C22orf31: variants seen among roughly 807,000 people sequenced by gnomAD.
C22orf31 encodes chromosome 22 open reading frame 31.
C22orf31 carries 11 observed loss-of-function variants against 15.0 expected under a neutral mutation model. The observed-to-expected ratio is 0.73, with a 90% CI of 0.46 to 1.21. C22orf31 has a LOEUF of 1.21. Among genes scored for constraint, C22orf31 ranks in the 50% most tolerant of loss-of-function variants. The pLI is 0.00. For missense variants in C22orf31, 340 were observed against 347.2 expected, an observed-to-expected ratio of 0.98 and a Z score of 0.17; for synonymous variants, 132 against 133.3, an observed-to-expected ratio of 0.99 and a Z score of 0.07.
At chr22:29,061,158 G>A (rs1569304606) in intron 1 of C22orf31, among the ~76,000 whole-genome samples, 1 of 152,260 alleles carries the variant, frequency 6.6e-6, no homozygotes, top group South Asian at 2.1e-4. Flanking sequence ...AGATACGGAC[G>A]GCAGGGTCAC....
At position 29,061,306 on chromosome 22, in the gene C22orf31, G is replaced by A. The variant is rs1485227341; in HGVS notation, c.4-463C>T. Among the ~76,000 whole-genome samples the A allele has an allele frequency of 3.9e-5, 6 of 152,176 alleles. No individual in the cohort carries two copies. In the East Asian group the frequency reaches 9.6e-4, roughly 24 times the overall value. On this transcript the variant is annotated intron_variant, in intron 1 of 2. Coordinates refer to ENST00000216071, the MANE Select transcript of C22orf31 (RefSeq NM_015370.2). ...GGGGGGACGGAGTTTAGCTCTTGTT[G>A]CCCAGGCTGGAGTGCAATGGCGTGA... is the stretch of plus-strand genomic sequence containing the variant.
At chr22:29,072,102 T>G in the C22orf31 span, among the ~76,000 whole-genome samples, 2 of 152,136 alleles carry the variant, frequency 1.3e-5, no homozygotes, top group African/African-American at 4.8e-5. Flanking sequence ...ACTCCTACTC[T>G]GCGTGCGTAA....
chr22:29,062,048 T>C (rs1395203313), upstream of C22orf31, among the ~76,000 whole-genome samples: 4 of 152,158 alleles, frequency 2.6e-5, no homozygotes, highest in Admixed American at 2.6e-4. Flanking sequence ...GGGTGGGTGT[T>C]ACATCATCAG....
chr22:29,073,424 C>T, the C22orf31 span, among the ~76,000 whole-genome samples: 2 of 152,078 alleles, frequency 1.3e-5, no homozygotes, highest in Admixed American at 6.5e-5. The surrounding 1 kb of genome is among the most constrained non-coding windows in gnomAD (Gnocchi z 4.4). Context: ...GTCATCGACG[C>T]CCCCGGGCCC....
chr22:29,073,494 G>A, the C22orf31 span, among the ~76,000 whole-genome samples: 3 of 151,946 alleles, frequency 2.0e-5, no homozygotes, highest in East Asian at 3.9e-4. This position sits in a 1 kb window ranked among gnomAD's most constrained non-coding sequence, Gnocchi z 4.4. Flanking sequence ...AGCCCAGGAG[G>A]CCCTCTCCGC....
In C22orf31 at chr22:29,058,782, G is replaced by A; in HGVS notation, c.833C>T (p.Pro278Leu). 1 of 1,613,930 alleles carries A rather than the reference G, an allele frequency of 6.2e-7. No homozygotes were observed. The highest frequency in any genetic ancestry group is 8.5e-7 in the Non-Finnish European group (1 of 1,179,952). The change falls in exon 3 of 3, where the codon CCT becomes CTT. Residue 278 changes from proline (P) to leucine (L), a missense_variant. By Grantham distance (98) the Pro-to-Leu change is moderately conservative. Coordinates refer to ENST00000216071, the MANE Select transcript of C22orf31 (RefSeq NM_015370.2). Reference sequence around the variant, plus strand: ...TAACTTGGGCCATTTCTTGAGTACAGGCTCCTCGTGGACACCTGGCTGCTT... The same window carrying A: ...TAACTTGGGCCATTTCTTGAGTACAAGCTCCTCGTGGACACCTGGCTGCTT... ...GRKQPGVHEEPVLKKWPKLKS... is the reference protein window; with the variant it reads ...GRKQPGVHEELVLKKWPKLKS...
chr22:29,065,061 G>A (rs1302905837), upstream of C22orf31, among the ~76,000 whole-genome samples: 2 of 151,828 alleles, frequency 1.3e-5, no homozygotes, highest in Non-Finnish European at 2.9e-5. Context: ...CACCATGTTG[G>A]CCAGGCTGGT....
intron 2 of C22orf31, 36 bp downstream of exon 2, chr22:29,060,379 C>G (rs536900659): frequency 1.9e-6 from 3 of 1,564,620 alleles, no homozygotes; most frequent in African/African-American, 1.4e-5. Context: ...CCTCCCCTCG[C>G]CAGTCACATT....
At chr22:29,061,939 G>A (rs2037396362), upstream of C22orf31, 1 of 622,550 alleles carries the variant, frequency 1.6e-6, no homozygotes, top group Non-Finnish European at 2.8e-6. Context: ...AGTCACATAT[G>A]GGCAAATTGC....
the C22orf31 span, among the ~76,000 whole-genome samples, chr22:29,072,785 T>C: frequency 6.6e-6 from 1 of 152,000 alleles, no homozygotes; most frequent in Non-Finnish European, 1.5e-5. Context: ...GCCCCTCACC[T>C]GCTGATCCTA....
At chr22:29,059,731 C>T (rs778023624) in intron 2 of C22orf31, 1 of 985,372 alleles carries the variant, frequency 1.0e-6, no homozygotes, top group Non-Finnish European at 1.2e-6. Flanking sequence ...TGTGGACGCT[C>T]ACAATCCAGA....
intron 2 of C22orf31, chr22:29,059,580 TA>T: frequency 2.0e-6 from 1 of 495,638 alleles, no homozygotes; most frequent in Non-Finnish European, 2.6e-6. Flanking sequence ...TTTAATATGA[TA>T]ATATCAAGGC....
the C22orf31 span, among the ~76,000 whole-genome samples, chr22:29,071,084 TG>T: frequency 6.7e-6 from 1 of 149,790 alleles, no homozygotes; most frequent in Non-Finnish European, 1.5e-5. Context: ...TCAGGTCCGG[TG>T]GAGAAGGTGG....
chr22:29,070,397 C>T, the C22orf31 span, among the ~76,000 whole-genome samples: 1 of 152,220 alleles, frequency 6.6e-6, no homozygotes, highest in East Asian at 1.9e-4. Context: ...GGGGTGCCTT[C>T]CCGCAGCAGG....
upstream of C22orf31, among the ~76,000 whole-genome samples, chr22:29,062,124 GA>G (rs973996042): frequency 7.9e-5 from 12 of 152,296 alleles, no homozygotes; most frequent in African/African-American, 2.9e-4. Flanking sequence ...AGAAACTTCT[GA>G]AGTCCTCATT....
the C22orf31 span, among the ~76,000 whole-genome samples, chr22:29,071,179 G>C: frequency 5.9e-5 from 9 of 152,182 alleles, no homozygotes; most frequent in Non-Finnish European, 1.2e-4. Flanking sequence ...GCGGTCCCCA[G>C]GACCGAGGCT....
upstream of C22orf31, among the ~76,000 whole-genome samples, chr22:29,065,132 C>A (rs775169128): frequency 6.6e-6 from 1 of 152,112 alleles, no homozygotes; most frequent in Admixed American, 6.5e-5. Context: ...GGATTTCAGG[C>A]GTGAGCCACT....
At chr22:29,071,104 C>G in the C22orf31 span, among the ~76,000 whole-genome samples, 4 of 147,566 alleles carry the variant, frequency 2.7e-5, no homozygotes, top group Admixed American at 2.7e-4. Flanking sequence ...GGGAAGGGCC[C>G]AAAATTGTGG....
At chr22:29,068,600 C>T in the C22orf31 span, among the ~76,000 whole-genome samples, 1,693 of 150,100 alleles carry the variant, frequency 0.011, 26 homozygotes, top group African/African-American at 0.039. Context: ...TTAGTAGAGA[C>T]GGGGTTTCAC....
Sources: allele counts gnomAD v4.1 joint callset (sites outside exome capture counted in the v4.1 genomes callset), GRCh38; gene constraint gnomAD v4.1.1; non-coding constraint Gnocchi (gnomAD v3.1); transcripts MANE v1.5; gene names NCBI Gene and HGNC (gene_info 2026-07-23, HGNC 2026-07-21).